Variants in CCSER1 observed in about 807,000 individuals in gnomAD.
The protein encoded by CCSER1 is serine-rich coiled-coil domain-containing protein 1.
CCSER1 carries 41 observed loss-of-function variants against 82.0 expected under a neutral mutation model. The ratio of observed to expected loss-of-function variants is 0.50; its 90% CI spans 0.39 to 0.65. The LOEUF (loss-of-function observed/expected upper bound fraction) is 0.65. CCSER1 is among the 30% of genes least tolerant of loss of function. The pLI, the probability that CCSER1 is intolerant of heterozygous loss-of-function variation, is 0.00. For synonymous variants in CCSER1, 414 were observed against 383.9 expected, an observed-to-expected ratio of 1.08 and a Z score of -0.92; for missense variants, 1,119 against 1,064.2, an observed-to-expected ratio of 1.05 and a Z score of -0.72.
At chr4:91,523,873 T>C (rs1760636368) in intron 10 of CCSER1, among the ~76,000 whole-genome samples, 1 of 152,198 alleles carries the variant, frequency 6.6e-6, no homozygotes. Flanking sequence ...CTCTATGTCC[T>C]TCAGTTCTGC....
At chr4:90,282,050 C>G (rs1728959811) in intron 1 of CCSER1, among the ~76,000 whole-genome samples, 1 of 152,020 alleles carries the variant, frequency 6.6e-6, no homozygotes, top group Non-Finnish European at 1.5e-5. Context: ...TAGCGCTGTA[C>G]TCAGATACCA....
At position 90,346,529 on chromosome 4, in the gene CCSER1, A is replaced by G. The variant is rs1016717575; in HGVS notation, c.1509+33482A>G. On this transcript the variant is annotated intron_variant, in intron 3 of 10. Transcript: ENST00000509176. ...TGAATACTAAACCTGAAAGCTTCTT[A>G]ACTTCGAATGCTTTCCATTATCAAG... is the stretch of plus-strand genomic sequence containing the variant. 2.5e-4 allele frequency among the ~76,000 whole-genome samples: 38 copies of G among 152,202 alleles called. 1 individual carries two copies. Among genetic ancestry groups the G allele is most frequent in the African/African-American group, 8.4e-4 (35 of 41,572 alleles).
chr4:90,902,921 C>G (rs1328301106), intron 8 of CCSER1, among the ~76,000 whole-genome samples: 1 of 151,896 alleles, frequency 6.6e-6, no homozygotes, highest in Non-Finnish European at 1.5e-5. Flanking sequence ...GCTCCTTGTC[C>G]TAAGCAGGCA....
intron 8 of CCSER1, among the ~76,000 whole-genome samples, chr4:90,844,085 TCC>T (rs1486730029): frequency 5.9e-5 from 9 of 151,598 alleles, no homozygotes; most frequent in African/African-American, 1.9e-4. Context: ...CATTCAAATC[TCC>T]TTCCTCTGTT....
At chr4:91,461,560 T>G (rs1385245921) in intron 10 of CCSER1, among the ~76,000 whole-genome samples, 1 of 152,194 alleles carries the variant, frequency 6.6e-6, no homozygotes, top group Non-Finnish European at 1.5e-5. Context: ...TTTATCACTG[T>G]GGTATTAAGG....
chr4:91,567,655 C>T (rs1114290), intron 10 of CCSER1, among the ~76,000 whole-genome samples: 57,533 of 151,750 alleles, frequency 0.38, 11,096 homozygotes, highest in East Asian at 0.58. Context: ...TTTTGATCTT[C>T]GTTGGTTTGA....
intron 3 of CCSER1, among the ~76,000 whole-genome samples, chr4:90,366,367 T>C (rs1285978388): frequency 6.6e-6 from 1 of 151,782 alleles, no homozygotes; most frequent in Non-Finnish European, 1.5e-5. Flanking sequence ...GTTTAACTTT[T>C]TAAATTGTAA....
intron 6 of CCSER1, among the ~76,000 whole-genome samples, chr4:90,710,702 T>C (rs1740429093): frequency 2.0e-5 from 3 of 152,174 alleles, no homozygotes; most frequent in Admixed American, 2.0e-4. Flanking sequence ...TCTGTTCTTG[T>C]ATCAGTACCA....
chr4:91,099,382 A>G (rs1724832208), intron 10 of CCSER1, among the ~76,000 whole-genome samples: 3 of 152,194 alleles, frequency 2.0e-5, no homozygotes, highest in Admixed American at 6.5e-5. Flanking sequence ...AGTAAAAAAT[A>G]TCTCAAAACT....
At chr4:90,181,957 A>G (rs1348087074) in intron 1 of CCSER1, among the ~76,000 whole-genome samples, 1 of 152,146 alleles carries the variant, frequency 6.6e-6, no homozygotes, top group East Asian at 1.9e-4. Flanking sequence ...GGTTTGGGTC[A>G]TAGGATTTGG....
intron 10 of CCSER1, among the ~76,000 whole-genome samples, chr4:91,190,703 G>T (rs1734924299): frequency 6.6e-6 from 1 of 152,132 alleles, no homozygotes; most frequent in South Asian, 2.1e-4. Flanking sequence ...AGAAAGTGTA[G>T]GTCAATGTGA....
intron 10 of CCSER1, among the ~76,000 whole-genome samples, chr4:91,250,500 A>G (rs989669149): frequency 6.6e-6 from 1 of 152,176 alleles, no homozygotes; most frequent in African/African-American, 2.4e-5. Context: ...TGACTAGGCA[A>G]ATAGGTATAT....
intron 1 of CCSER1, among the ~76,000 whole-genome samples, chr4:90,154,255 A>G (rs984393330): frequency 7.2e-5 from 11 of 152,224 alleles, no homozygotes; most frequent in East Asian, 1.9e-4. Flanking sequence ...TTTTGGTACC[A>G]GTACCATGCT....
At chr4:90,810,935 C>G (rs1247923500) in intron 7 of CCSER1, among the ~76,000 whole-genome samples, 1 of 149,224 alleles carries the variant, frequency 6.7e-6, no homozygotes, top group African/African-American at 2.5e-5. Flanking sequence ...CGGGTTCACG[C>G]CATTCTCCTG....
chr4:90,985,839 A>G (rs1736537378), intron 9 of CCSER1, among the ~76,000 whole-genome samples: 1 of 151,762 alleles, frequency 6.6e-6, no homozygotes, highest in African/African-American at 2.4e-5. Context: ...TGTTCAATTA[A>G]TAAGTGACAA....
At chr4:90,520,592 A>G (rs1441323252) in intron 5 of CCSER1, among the ~76,000 whole-genome samples, 2 of 152,202 alleles carry the variant, frequency 1.3e-5, no homozygotes, top group East Asian at 3.8e-4. Context: ...TTTTTCTTAC[A>G]TATGAATGAA....
At chr4:91,070,338 T>C (rs1199348491) in intron 9 of CCSER1, among the ~76,000 whole-genome samples, 1 of 152,214 alleles carries the variant, frequency 6.6e-6, no homozygotes, top group Non-Finnish European at 1.5e-5. Flanking sequence ...ATTGTGCTAC[T>C]TCTAATCCAT....
chr4:91,221,249 TC>T (rs1737717988), intron 10 of CCSER1, among the ~76,000 whole-genome samples: 1 of 152,126 alleles, frequency 6.6e-6, no homozygotes, highest in Non-Finnish European at 1.5e-5. Context: ...CATCTCACTA[TC>T]CACAAAATGC....
intron 4 of CCSER1, among the ~76,000 whole-genome samples, chr4:90,418,954 T>A (rs775438204): frequency 6.6e-6 from 1 of 152,012 alleles, no homozygotes; most frequent in East Asian, 1.9e-4. Context: ...TCTCAGAAAG[T>A]GTTATCATTC....
Sources: allele counts gnomAD v4.1 joint callset (sites outside exome capture counted in the v4.1 genomes callset), GRCh38; gene constraint gnomAD v4.1.1; transcripts MANE v1.5; gene names NCBI Gene and HGNC (gene_info 2026-07-23, HGNC 2026-07-21).